BASP1: variants seen among roughly 807,000 people sequenced by gnomAD.
BASP1 encodes the protein brain abundant membrane attached signal protein 1.
In BASP1, 1 loss-of-function variant was observed where a neutral mutation model predicts 2.2. The observed-to-expected ratio is 0.46, with a 90% CI of 0.16 to 2.17. The LOEUF is 2.17. Among genes scored for constraint, BASP1 ranks in the 30% most tolerant of loss-of-function variants. The pLI is 0.27. For missense variants in BASP1, 352 were observed against 327.2 expected, an observed-to-expected ratio of 1.08 and a Z score of -0.58; for synonymous variants, 187 against 154.2, an observed-to-expected ratio of 1.21 and a Z score of -1.58.
At position 17,247,831 on chromosome 5, in the gene BASP1, G is replaced by A. The variant is rs144180867; in HGVS notation, c.-9-27377G>A. 2.6e-4 allele frequency among the ~76,000 whole-genome samples: 40 copies of A among 152,314 alleles called. No homozygotes were observed. In the East Asian group the frequency reaches 7.5e-3, roughly 29 times the overall value. On this transcript the variant is annotated intron_variant, in intron 1 of 1. Transcript: ENST00000322611. ...TCAGTAGACTTTATGAGTATCAGAG[G>A]ATAAATGTACTGCAGAGGATGAGAA...
chr5:17,255,923 G>T (rs375765961), intron 1 of BASP1, among the ~76,000 whole-genome samples: 2 of 152,176 alleles, frequency 1.3e-5, no homozygotes, highest in Admixed American at 6.5e-5. Flanking sequence ...TAGGTTTCTA[G>T]ATAGGGAACT....
chr5:17,259,919 C>G (rs1041804676), intron 1 of BASP1, among the ~76,000 whole-genome samples: 6 of 152,128 alleles, frequency 3.9e-5, no homozygotes, highest in African/African-American at 1.4e-4. Context: ...TTGGAGAATT[C>G]TAAATTAGTT....
chr5:17,272,438 T>C (rs1279579243), intron 1 of BASP1, among the ~76,000 whole-genome samples: 2 of 152,174 alleles, frequency 1.3e-5, no homozygotes, highest in African/African-American at 2.4e-5. Context: ...GATTTCCTTA[T>C]GGGTAAAAGG....
intron 1 of BASP1, among the ~76,000 whole-genome samples, chr5:17,262,660 C>T (rs530667431): frequency 6.6e-6 from 1 of 152,324 alleles, no homozygotes; most frequent in South Asian, 2.1e-4. Flanking sequence ...TGATCCTGAT[C>T]TCAACTAATC....
At chr5:17,248,949 CCAT>C (rs551871816) in intron 1 of BASP1, among the ~76,000 whole-genome samples, 231 of 152,282 alleles carry the variant, frequency 1.5e-3, no homozygotes, top group African/African-American at 5.1e-3. Flanking sequence ...GTCATAGTAA[CCAT>C]CAACACACAC....
Position 17,275,380 on chromosome 5 carries a change from A to C in BASP1, c.164A>C (p.Lys55Thr). Reference protein sequence around the residue: ...AAEPAEAKEGKEKPDQDAEGK... With the variant: ...AAEPAEAKEGTEKPDQDAEGK... ...GAGCCCGCCGAGGCCAAGGAGGGCA[A>C]GGAGAAGCCCGACCAGGACGCCGAG... The change falls in exon 2 of 2, where the codon AAG becomes ACG. Residue 55 changes from lysine to threonine, a missense_variant. Coordinates refer to ENST00000322611, the MANE Select transcript of BASP1 (RefSeq NM_006317.5). The surrounding 1 kb of genome is among the most constrained non-coding windows in gnomAD (Gnocchi z 5.3). 1 of 1,596,920 alleles carries C rather than the reference A, an allele frequency of 6.3e-7. No individual in the cohort carries two copies.
In BASP1 at chr5:17,260,726, A is replaced by G. The variant is rs1361899625; in HGVS notation, c.-9-14482A>G. On this transcript the variant is annotated intron_variant, in intron 1 of 1. Coordinates refer to ENST00000322611, the MANE Select transcript of BASP1 (RefSeq NM_006317.5). The surrounding 1 kb of genome is among the most constrained non-coding windows in gnomAD (Gnocchi z 4.2). The stretch of plus-strand genomic sequence containing the variant: ...AGTCTGTGATGTTTATCTAGTACCC[A>G]TTGTGCACGAACAACCACAAAGCAA... Among the ~76,000 whole-genome samples, 6 of 152,224 alleles carry G rather than the reference A, an allele frequency of 3.9e-5. No individual in the cohort carries two copies. Among genetic ancestry groups the G allele is most frequent in the African/African-American group, 1.4e-4 (6 of 41,462 alleles).
intron 1 of BASP1, among the ~76,000 whole-genome samples, chr5:17,257,324 C>A (rs72738650): frequency 2.0e-5 from 1 of 50,982 alleles, no homozygotes; most frequent in Non-Finnish European, 3.6e-5. Context: ...AAAAACAAAA[C>A]AAAAAGAGTG....
intron 1 of BASP1, among the ~76,000 whole-genome samples, chr5:17,269,287 G>A (rs1444324104): frequency 2.0e-5 from 3 of 152,224 alleles, no homozygotes; most frequent in African/African-American, 7.2e-5. Context: ...AAAGATTTGT[G>A]TCAGGACTGA....
intron 1 of BASP1, among the ~76,000 whole-genome samples, chr5:17,255,079 TTTTA>T (rs570517461): frequency 6.6e-6 from 1 of 152,162 alleles, no homozygotes; most frequent in Non-Finnish European, 1.5e-5. Context: ...ACTGGCAACA[TTTTA>T]TTTATTTATT....
At chr5:17,261,846 ACT>A (rs1418944143) in intron 1 of BASP1, among the ~76,000 whole-genome samples, 1 of 152,092 alleles carries the variant, frequency 6.6e-6, no homozygotes, top group African/African-American at 2.4e-5. Context: ...CGTTACCAAC[ACT>A]CTCTGGTATT....
chr5:17,270,980 C>G (rs970488773), intron 1 of BASP1, among the ~76,000 whole-genome samples: 5 of 152,132 alleles, frequency 3.3e-5, no homozygotes, highest in African/African-American at 1.2e-4. Flanking sequence ...AAATTCAATT[C>G]TTGTCCAATA....
chr5:17,225,042 A>G (rs1276660301), intron 1 of BASP1, among the ~76,000 whole-genome samples: 2 of 152,138 alleles, frequency 1.3e-5, no homozygotes, highest in Admixed American at 1.3e-4. Context: ...ATGACTAAAC[A>G]CTCATTTTGG....
At chr5:17,269,975 C>G (rs912174121) in intron 1 of BASP1, among the ~76,000 whole-genome samples, 2 of 151,946 alleles carry the variant, frequency 1.3e-5, no homozygotes, top group Non-Finnish European at 2.9e-5. Context: ...GAGGGGACAG[C>G]AAAAAATGCA....
intron 1 of BASP1, among the ~76,000 whole-genome samples, chr5:17,233,473 T>C (rs1450865363): frequency 6.6e-6 from 1 of 152,228 alleles, no homozygotes; most frequent in East Asian, 1.9e-4. Flanking sequence ...GGTCATCTAG[T>C]CCAGAAGGCC....
intron 1 of BASP1, among the ~76,000 whole-genome samples, chr5:17,235,405 T>C (rs1011931634): frequency 1.3e-5 from 2 of 151,706 alleles, no homozygotes; most frequent in Non-Finnish European, 2.9e-5. Flanking sequence ...GGATTACAGG[T>C]GCCCGCCACC....
At chr5:17,268,104 G>A (rs1740453773) in intron 1 of BASP1, among the ~76,000 whole-genome samples, 1 of 151,914 alleles carries the variant, frequency 6.6e-6, no homozygotes, top group Non-Finnish European at 1.5e-5. Context: ...TACACTTTAA[G>A]TATCGTTGTT....
intron 1 of BASP1, among the ~76,000 whole-genome samples, chr5:17,224,758 C>G (rs1739461051): frequency 6.6e-6 from 1 of 152,242 alleles, no homozygotes; most frequent in Non-Finnish European, 1.5e-5. Context: ...TCACGTTTCT[C>G]CTTGGACATT....
intron 1 of BASP1, among the ~76,000 whole-genome samples, chr5:17,227,729 A>G (rs1183517697): frequency 6.6e-6 from 1 of 152,172 alleles, no homozygotes; most frequent in Non-Finnish European, 1.5e-5. Flanking sequence ...TAAGGAAGAA[A>G]GAATCTCGAT....
Sources: gnomAD v4.1 joint callset for allele counts (sites outside exome capture counted in the v4.1 genomes callset) on GRCh38, gnomAD v4.1.1 for gene constraint, Gnocchi (gnomAD v3.1) non-coding constraint, MANE v1.5 for transcripts, NCBI Gene and HGNC (gene_info 2026-07-23, HGNC 2026-07-21) for gene names.